ME3: variants seen among roughly 807,000 people sequenced by gnomAD.
The protein encoded by ME3 is malic enzyme 3.
Under a neutral mutation model 68.9 loss-of-function variants are expected in ME3, and 48 were observed. The observed-to-expected ratio is 0.70, with a 90% CI of 0.55 to 0.89. ME3 has a LOEUF of 0.89. ME3 is among the 40% of genes least tolerant of loss of function. ME3 has a pLI of 0.00. For missense variants in ME3, 675 were observed against 797.4 expected, an observed-to-expected ratio of 0.85 and a Z score of 1.85; for synonymous variants, 320 against 318.8, an observed-to-expected ratio of 1.00 and a Z score of -0.04.
chr11:86,642,814 ATAGT>A (rs1944752087), intron 2 of ME3, among the ~76,000 whole-genome samples: 4 of 152,196 alleles, frequency 2.6e-5, no homozygotes, highest in East Asian at 3.8e-4. Context: ...GCATTTATTA[ATAGT>A]TAATTTATTT....
intron 6 of ME3, among the ~76,000 whole-genome samples, chr11:86,493,570 GA>G (rs1283524486): frequency 3.3e-5 from 5 of 152,224 alleles, no homozygotes; most frequent in African/African-American, 1.2e-4. Flanking sequence ...AATAGTCTGT[GA>G]CTGGCTGCAT....
chr11:86,446,972 G>A, intron 12 of ME3, 93 bp downstream of exon 12: 3 of 1,456,958 alleles, frequency 2.1e-6, no homozygotes, highest in Non-Finnish European at 1.9e-6. Context: ...TTGCTCATCA[G>A]CGATGTAGGA....
At chr11:86,448,848 C>A (rs1204097584) in intron 10 of ME3, among the ~76,000 whole-genome samples, 1 of 152,120 alleles carries the variant, frequency 6.6e-6, no homozygotes, top group Non-Finnish European at 1.5e-5. Context: ...TTGATGACTG[C>A]TTTGGATTAG....
At chr11:86,666,150 G>C (rs533633248) in intron 2 of ME3, among the ~76,000 whole-genome samples, 2 of 152,178 alleles carry the variant, frequency 1.3e-5, no homozygotes, top group Non-Finnish European at 2.9e-5. Flanking sequence ...CCCAGCCAAA[G>C]ATTACATTTT....
intron 2 of ME3, among the ~76,000 whole-genome samples, chr11:86,644,383 T>C (rs182939738): frequency 6.5e-4 from 99 of 152,302 alleles, no homozygotes; most frequent in African/African-American, 2.3e-3. Flanking sequence ...CTTAGAACCA[T>C]TTAATAGTGT....
chr11:86,670,357 A>G (rs924523261), intron 2 of ME3, among the ~76,000 whole-genome samples: 3 of 152,250 alleles, frequency 2.0e-5, no homozygotes, highest in African/African-American at 7.2e-5. Flanking sequence ...GGCAGAGTAG[A>G]GAGCCAGAGA....
At chr11:86,548,775 G>C (rs1027521678) in intron 4 of ME3, among the ~76,000 whole-genome samples, 2 of 152,126 alleles carry the variant, frequency 1.3e-5, no homozygotes, top group Non-Finnish European at 2.9e-5. Context: ...GGCCCAGAAA[G>C]GGGGAGGGAT....
chr11:86,531,419 A>G (rs1260971519), intron 4 of ME3, among the ~76,000 whole-genome samples: 2 of 152,186 alleles, frequency 1.3e-5, no homozygotes, highest in African/African-American at 4.8e-5. Flanking sequence ...AACTAGTTCA[A>G]CCATTGTGGA....
chr11:86,608,835 G>T (rs544936968), intron 2 of ME3, among the ~76,000 whole-genome samples: 18 of 152,132 alleles, frequency 1.2e-4, no homozygotes, highest in Admixed American at 4.6e-4. Flanking sequence ...TAATTCACTG[G>T]TAAGTCTTGG....
intron 10 of ME3, 67 bp from the exon 11 acceptor site, chr11:86,448,322 T>C: frequency 1.7e-6 from 2 of 1,208,150 alleles, no homozygotes; most frequent in Admixed American, 1.8e-5. Context: ...ACAGATGCAT[T>C]TGGAAACTCT....
intron 2 of ME3, among the ~76,000 whole-genome samples, chr11:86,602,150 G>C (rs1960794585): frequency 6.6e-6 from 1 of 151,750 alleles, no homozygotes; most frequent in South Asian, 2.1e-4. Context: ...GTTAGGAAAA[G>C]AGGAAGTCAA....
chr11:86,640,749 C>T (rs1034941508), intron 2 of ME3, among the ~76,000 whole-genome samples: 14 of 152,206 alleles, frequency 9.2e-5, no homozygotes, highest in African/African-American at 9.6e-5. Flanking sequence ...CAGTTATGCT[C>T]TCCATGATAC....
At chr11:86,571,342 A>G (rs971413064) in intron 2 of ME3, among the ~76,000 whole-genome samples, 2 of 152,228 alleles carry the variant, frequency 1.3e-5, no homozygotes, top group African/African-American at 2.4e-5. Context: ...AGCAATGGAA[A>G]GATATAGAAG....
At chr11:86,483,926 T>C (rs1342313814) in intron 7 of ME3, among the ~76,000 whole-genome samples, 2 of 152,120 alleles carry the variant, frequency 1.3e-5, no homozygotes, top group African/African-American at 4.8e-5. Context: ...CAGCAGGAGG[T>C]GGTGCCCGGG....
chr11:86,530,798 G>A (rs1291940220), intron 4 of ME3, among the ~76,000 whole-genome samples: 2 of 152,314 alleles, frequency 1.3e-5, no homozygotes, highest in South Asian at 4.1e-4. Context: ...CTAGCCATAT[G>A]TAGAAAGCTG....
chr11:86,471,534 A>T (rs1274600535), intron 7 of ME3, among the ~76,000 whole-genome samples: 2 of 152,102 alleles, frequency 1.3e-5, no homozygotes, highest in Non-Finnish European at 2.9e-5. Flanking sequence ...TTCTGGACAT[A>T]TCTGTAACAA....
intron 7 of ME3, among the ~76,000 whole-genome samples, chr11:86,476,218 C>G (rs968959465): frequency 2.6e-5 from 4 of 152,096 alleles, no homozygotes; most frequent in African/African-American, 9.7e-5. Context: ...CTGCTGTGGA[C>G]CTATCTGCAG....
chr11:86,465,202 T>C lies in ME3; in HGVS notation c.810-2A>G. On this transcript the variant is annotated splice_acceptor_variant, in intron 7 of 14. Transcript: ENST00000543262. LOFTEE classifies it high-confidence loss of function. ...TGGATGAGGCAATTTATTCCAAACC[T>C]GTGTGGAGGGAGAGGAAGAAACCCA... 6.2e-7 allele frequency: 1 copy of C among 1,605,648 alleles called. No individual in the cohort carries two copies. The highest frequency in any genetic ancestry group is 8.5e-7 in the Non-Finnish European group (1 of 1,172,542).
intron 4 of ME3, among the ~76,000 whole-genome samples, chr11:86,512,213 A>G (rs981091168): frequency 1.3e-5 from 2 of 152,152 alleles, no homozygotes; most frequent in African/African-American, 4.8e-5. Context: ...CCTAATACGC[A>G]TGCTTCTCCT....
Sources: allele counts gnomAD v4.1 joint callset (sites outside exome capture counted in the v4.1 genomes callset), GRCh38; gene constraint gnomAD v4.1.1; transcripts MANE v1.5; gene names NCBI Gene and HGNC (gene_info 2026-07-23, HGNC 2026-07-21).